RMND5A: variants seen among roughly 807,000 people sequenced by gnomAD.
RMND5A encodes the protein required for meiotic nuclear division 5 homolog A, also known as E3 ubiquitin-protein transferase RMND5A.
A neutral mutation model predicts 49.7 loss-of-function variants in RMND5A; 17 were observed. The ratio of observed to expected loss-of-function variants is 0.34; its 90% confidence interval spans 0.23 to 0.51. The LOEUF (loss-of-function observed/expected upper bound fraction) is 0.51. Among genes scored for constraint, RMND5A ranks in the 20% least tolerant of loss-of-function variants. The probability of loss-of-function intolerance (pLI) is 0.96; values close to 1 mark genes in which losing one functional copy is unlikely to be tolerated. For synonymous variants in RMND5A, 156 were observed against 167.7 expected (o/e 0.93, Z 0.54); for missense variants, 255 against 471.3 (o/e 0.54, Z 4.25).
At chr2:86,761,751 C>A (rs1672492770) in intron 4 of RMND5A, among the ~76,000 whole-genome samples, 1 of 152,172 alleles carries the variant, frequency 6.6e-6, no homozygotes, top group African/African-American at 2.4e-5. Context: ...CTCCTCCTCC[C>A]AGTTCCTTTT....
At chr2:86,768,296 A>G (rs1672633880) in intron 6 of RMND5A, among the ~76,000 whole-genome samples, 1 of 152,200 alleles carries the variant, frequency 6.6e-6, no homozygotes, top group African/African-American at 2.4e-5. Context: ...TAATTCCACA[A>G]ATGTTTTGCA....
In RMND5A at chr2:86,773,689, A is replaced by AT. The variant is rs1419415496; in HGVS notation, c.*285dup. The AT allele has an allele frequency of 1.6e-5, 4 of 258,032 alleles. No homozygotes were observed. The highest frequency in any genetic ancestry group is 5.3e-5 in the Admixed American group (1 of 18,894). 16.0% of individuals were successfully genotyped at this position (258,032 alleles called of 1,614,324 possible). On this transcript the variant is annotated 3_prime_UTR_variant, in exon 9 of 9. Coordinates refer to ENST00000283632, the MANE Select transcript of RMND5A (RefSeq NM_022780.4). ...GGTTTTTGTACTTAATTATATGGTGATTTTTTTACTTTTTAAGAGCAGAAA... is the reference window on the plus strand; with the variant it reads ...GGTTTTTGTACTTAATTATATGGTGATTTTTTTTACTTTTTAAGAGCAGAAA...
chr2:86,745,444 G>A (rs1279487535), intron 2 of RMND5A, among the ~76,000 whole-genome samples: 2 of 152,216 alleles, frequency 1.3e-5, no homozygotes, highest in African/African-American at 4.8e-5. Flanking sequence ...CAGCAGAACA[G>A]TGAGATGAGA....
rs1052804305 is a variant in RMND5A at position 86,741,631 on chromosome 2, A to G, written c.285+562A>G. Among the ~76,000 whole-genome samples, 20 of 116,266 alleles carry G rather than the reference A, an allele frequency of 1.7e-4. 1 individual carries two copies. Among genetic ancestry groups the G allele is most frequent in the Non-Finnish European group, 3.5e-4 (19 of 54,454 alleles). 76.3% of individuals were successfully genotyped at this position (116,266 alleles called of 152,430 possible). On this transcript the variant is annotated intron_variant, in intron 2 of 8. Coordinates refer to ENST00000283632, the MANE Select transcript of RMND5A (RefSeq NM_022780.4). ...GTTTTTTTTCTTGTGACATTTTTTG[A>G]GTAAGCCATCTTTGACCTGGTGGTT...
At chr2:86,751,845 G>A (rs1360613566) in intron 2 of RMND5A, 51 bp from the exon 3 acceptor site, 2 of 1,565,674 alleles carry the variant, frequency 1.3e-6, no homozygotes, top group African/African-American at 1.4e-5. Context: ...TTCCTGTTAA[G>A]TGGGGTGAAA....
At chr2:86,767,956 C>T (rs951444175) in intron 6 of RMND5A, among the ~76,000 whole-genome samples, 19 of 152,066 alleles carry the variant, frequency 1.2e-4, no homozygotes, top group Non-Finnish European at 2.6e-4. Context: ...TATAAGAATC[C>T]AGCTGTCTTT....
chr2:86,721,604 A>C (rs1033543903), intron 1 of RMND5A, among the ~76,000 whole-genome samples: 2 of 151,380 alleles, frequency 1.3e-5, no homozygotes, highest in Non-Finnish European at 2.9e-5. Flanking sequence ...TGTTTCACCT[A>C]GATTGTTTTT....
At chr2:86,750,913 C>G (rs1012011129) in intron 2 of RMND5A, among the ~76,000 whole-genome samples, 4 of 151,898 alleles carry the variant, frequency 2.6e-5, no homozygotes, top group African/African-American at 9.7e-5. Context: ...CAGCTTTTTC[C>G]TTGCTAAGTC....
At chr2:86,759,079 A>G (rs552492779) in intron 4 of RMND5A, among the ~76,000 whole-genome samples, 5 of 152,310 alleles carry the variant, frequency 3.3e-5, no homozygotes. Context: ...TGGGATTGGC[A>G]AGAGGCTTTT....
chr2:86,773,267 A>C, intron 8 of RMND5A, 81 bp from the exon 9 acceptor site: 1 of 738,566 alleles, frequency 1.4e-6, no homozygotes, highest in East Asian at 2.6e-5. Flanking sequence ...TAATTGTTAA[A>C]GATACTCTAT....
rs1002314297 is a variant in RMND5A, at chr2:86,775,324, CTTTCTTTTTTTTTTTTT to C, written c.*1917_*1933del. On this transcript the variant is annotated 3_prime_UTR_variant, in exon 9 of 9. Coordinates refer to ENST00000283632, the MANE Select transcript of RMND5A (RefSeq NM_022780.4). Reference sequence around the variant, plus strand: ...AACCTAGAGTGTTGTATTTTTCTTTCTTTCTTTTTTTTTTTTTTTTTTTTTACCCTTTTTCTCCTTAG... The same window carrying C: ...AACCTAGAGTGTTGTATTTTTCTTTCTTTTTTTTACCCTTTTTCTCCTTAG... The C allele has an allele frequency of 7.6e-5, 6 of 78,434 alleles. No individual in the cohort carries two copies. Among genetic ancestry groups the C allele is most frequent in the Non-Finnish European group, 1.3e-4 (5 of 38,360 alleles). The allele number at this position is 78,434 out of a possible 1,614,324, so 4.9% of individuals were successfully genotyped here.
chr2:86,725,100 G>A (rs1321310290), intron 1 of RMND5A, among the ~76,000 whole-genome samples: 29 of 57,568 alleles, frequency 5.0e-4, no homozygotes, highest in Non-Finnish European at 8.9e-4. Context: ...TAAAGGACAT[G>A]CAGTATTCTT....
intron 4 of RMND5A, among the ~76,000 whole-genome samples, chr2:86,764,479 TCA>T (rs1307501881): frequency 6.6e-6 from 1 of 152,338 alleles, no homozygotes; most frequent in South Asian, 2.1e-4. Context: ...TTTGTACAAA[TCA>T]TTTTGCACAG....
intron 6 of RMND5A, 137 bp from the exon 7 acceptor site, chr2:86,769,886 T>C (rs1672661073): frequency 4.9e-6 from 3 of 613,942 alleles, no homozygotes; most frequent in Middle Eastern, 4.6e-4. Flanking sequence ...GGATTTACTT[T>C]TAGCAGAACA....
chr2:86,750,793 G>T (rs1681621705), intron 2 of RMND5A, among the ~76,000 whole-genome samples: 1 of 148,534 alleles, frequency 6.7e-6, no homozygotes. Flanking sequence ...TTTTTAAACT[G>T]GTGTTCAGAT....
At chr2:86,761,165 G>T (rs995671427) in intron 4 of RMND5A, among the ~76,000 whole-genome samples, 1 of 152,176 alleles carries the variant, frequency 6.6e-6, no homozygotes, top group East Asian at 1.9e-4. Flanking sequence ...AGCTGCTATT[G>T]TGAGTAAGGA....
At chr2:86,744,643 G>A (rs1450316742) in intron 2 of RMND5A, among the ~76,000 whole-genome samples, 1 of 152,118 alleles carries the variant, frequency 6.6e-6, no homozygotes, top group African/African-American at 2.4e-5. Context: ...GAAAATATAA[G>A]CAGAATAGAA....
Position 86,774,962 on chromosome 2 carries a change from AAG to A in RMND5A, c.*1554_*1555del, listed in dbSNP as rs1301953828. Reference sequence around the variant, plus strand: ...GAGCTGGGGTTTGTTTGTGAGGAGAAAGAGTACTGTGGAAAACCTCTGCTTGA... The same window carrying A: ...GAGCTGGGGTTTGTTTGTGAGGAGAAAGTACTGTGGAAAACCTCTGCTTGA... On this transcript the variant is annotated 3_prime_UTR_variant, in exon 9 of 9. Coordinates refer to ENST00000283632, the MANE Select transcript of RMND5A (RefSeq NM_022780.4). 6.6e-6 allele frequency: 1 copy of A among 152,668 alleles called. No homozygotes were observed. The highest frequency in any genetic ancestry group is 6.5e-5 in the Admixed American group (1 of 15,282). 9.5% of individuals were successfully genotyped at this position (152,668 alleles called of 1,614,324 possible). A position where few individuals can be genotyped will look rare whatever the true frequency, so the allele number is the denominator to read the frequency against.
chr2:86,723,946 T>C (rs1182104701), intron 1 of RMND5A, among the ~76,000 whole-genome samples: 1 of 152,092 alleles, frequency 6.6e-6, no homozygotes, highest in African/African-American at 2.4e-5. Flanking sequence ...TAATCTTTTT[T>C]AAAATGCAAG....
Sources: gnomAD v4.1 joint callset for allele counts (sites outside exome capture counted in the v4.1 genomes callset) on GRCh38, gnomAD v4.1.1 for gene constraint, MANE v1.5 for transcripts, NCBI Gene and HGNC (gene_info 2026-07-23, HGNC 2026-07-21) for gene names.